Variants in GRID2 observed in about 807,000 individuals in gnomAD.
GRID2 encodes the protein glutamate ionotropic receptor delta type subunit 2.
A neutral mutation model predicts 114.8 loss-of-function variants in GRID2; 33 were observed. That is an observed-to-expected ratio of 0.29 (90% confidence interval 0.22 to 0.38). The LOEUF is 0.38. Ranked by LOEUF, GRID2 falls within the 10% of genes least tolerant of loss-of-function variation. GRID2 has a pLI of 1.00. For missense variants in GRID2, 1,184 were observed against 1,257.7 expected (o/e 0.94, Z 0.89); for synonymous variants, 505 against 449.9 (o/e 1.12, Z -1.55).
intron 14 of GRID2, among the ~76,000 whole-genome samples, chr4:93,740,917 T>A (rs1366047644): frequency 6.6e-6 from 1 of 151,706 alleles, no homozygotes; most frequent in Non-Finnish European, 1.5e-5. Context: ...GTTCATTTTT[T>A]CCTCTTCTGT....
intron 4 of GRID2, among the ~76,000 whole-genome samples, chr4:93,122,723 A>G (rs1241872419): frequency 6.6e-6 from 1 of 152,076 alleles, no homozygotes; most frequent in African/African-American, 2.4e-5. Flanking sequence ...CTGGCTTAAA[A>G]AAAAACAAAT....
intron 13 of GRID2, among the ~76,000 whole-genome samples, chr4:93,521,784 G>C (rs890561680): frequency 1.3e-5 from 2 of 151,936 alleles, no homozygotes; most frequent in Admixed American, 6.6e-5. Context: ...GAGTGACAGA[G>C]AGCCAAGTGA....
intron 10 of GRID2, among the ~76,000 whole-genome samples, chr4:93,437,023 T>C (rs10012463): frequency 0.46 from 70,590 of 151,898 alleles, 17,633 homozygotes; most frequent in East Asian, 0.7. Flanking sequence ...CATAATAAAG[T>C]AGAACATCAC....
intron 2 of GRID2, among the ~76,000 whole-genome samples, chr4:93,048,181 G>T (rs2149277157): frequency 1.3e-5 from 2 of 152,148 alleles, no homozygotes; most frequent in South Asian, 4.2e-4. Flanking sequence ...CAGCTGGCTA[G>T]CAGCTCATGT....
intron 2 of GRID2, among the ~76,000 whole-genome samples, chr4:92,606,141 A>G (rs913847487): frequency 6.9e-4 from 99 of 143,508 alleles, no homozygotes; most frequent in African/African-American, 2.3e-3. Context: ...GAATCCTAAG[A>G]AAGAAACCTC....
intron 2 of GRID2, among the ~76,000 whole-genome samples, chr4:92,777,446 G>C (rs1218831714): frequency 6.6e-6 from 1 of 151,884 alleles, no homozygotes; most frequent in Non-Finnish European, 1.5e-5. Flanking sequence ...TCCATATGTT[G>C]CTAAGGGAAA....
intron 1 of GRID2, among the ~76,000 whole-genome samples, chr4:92,432,010 G>A (rs1257065158): frequency 6.6e-6 from 1 of 152,208 alleles, no homozygotes; most frequent in African/African-American, 2.4e-5. Context: ...ATACCACTTT[G>A]GTGGTCTTGA....
Position 93,594,649 on chromosome 4 carries a change from CA to C in GRID2, c.2194-31619del, listed in dbSNP as rs933749173. Among the ~76,000 whole-genome samples the C allele has an allele frequency of 1.1e-3, 173 of 152,356 alleles. 1 individual carries two copies. The highest frequency in any genetic ancestry group is 4.0e-3 in the African/African-American group (167 of 41,590). Reference sequence around the variant, plus strand: ...TGGGCAATGGCGGGCGCCCCTCCCCCAGCCTCGCTGCCACCTTGCAGCTTGA... The same window carrying C: ...TGGGCAATGGCGGGCGCCCCTCCCCCGCCTCGCTGCCACCTTGCAGCTTGA... On this transcript the variant is annotated intron_variant, in intron 13 of 15. Coordinates refer to ENST00000282020, the MANE Select transcript of GRID2 (RefSeq NM_001510.4).
chr4:93,007,226 A>G (rs1185300264), intron 2 of GRID2, among the ~76,000 whole-genome samples: 1 of 152,040 alleles, frequency 6.6e-6, no homozygotes, highest in Non-Finnish European at 1.5e-5. Context: ...AAAAATTATA[A>G]AGGTTATAAC....
At chr4:92,726,550 G>T (rs980568449) in intron 2 of GRID2, among the ~76,000 whole-genome samples, 1 of 152,048 alleles carries the variant, frequency 6.6e-6, no homozygotes, top group African/African-American at 2.4e-5. Context: ...ACAGAAAGTA[G>T]TGATGAAATA....
At chr4:92,420,341 A>C (rs2110322196) in intron 1 of GRID2, among the ~76,000 whole-genome samples, 1 of 152,300 alleles carries the variant, frequency 6.6e-6, no homozygotes, top group African/African-American at 2.4e-5. Context: ...TGATGCACAT[A>C]GAAACTATTT....
At chr4:93,192,904 T>C (rs1311101185) in intron 4 of GRID2, among the ~76,000 whole-genome samples, 1 of 152,200 alleles carries the variant, frequency 6.6e-6, no homozygotes, top group Non-Finnish European at 1.5e-5. Context: ...GATAATTATT[T>C]GTTCTGTAGT....
At chr4:93,019,665 C>A (rs1166570940) in intron 2 of GRID2, among the ~76,000 whole-genome samples, 1 of 152,132 alleles carries the variant, frequency 6.6e-6, no homozygotes, top group Non-Finnish European at 1.5e-5. Context: ...CTGCTGCTTT[C>A]CTAATGGTCA....
intron 3 of GRID2, among the ~76,000 whole-genome samples, chr4:93,108,568 A>G (rs931658237): frequency 3.3e-5 from 5 of 152,040 alleles, no homozygotes; most frequent in Admixed American, 1.3e-4. Context: ...AGTAACTCAA[A>G]TAAAGAACAA....
At chr4:92,923,979 G>A (rs1023804975) in intron 2 of GRID2, among the ~76,000 whole-genome samples, 3 of 152,150 alleles carry the variant, frequency 2.0e-5, no homozygotes, top group African/African-American at 7.2e-5. Context: ...ATTCACAATA[G>A]CAAAGACTTG....
At chr4:92,967,404 G>A (rs1418845023) in intron 2 of GRID2, among the ~76,000 whole-genome samples, 1 of 151,912 alleles carries the variant, frequency 6.6e-6, no homozygotes, top group Non-Finnish European at 1.5e-5. Context: ...ATTGGGCAAA[G>A]TGTTTTTGTA....
intron 14 of GRID2, among the ~76,000 whole-genome samples, chr4:93,726,416 C>T (rs1419975453): frequency 3.3e-5 from 5 of 152,136 alleles, no homozygotes; most frequent in Admixed American, 1.3e-4. Flanking sequence ...AGTCAGGTAG[C>T]ATGATGCCTC....
intron 2 of GRID2, among the ~76,000 whole-genome samples, chr4:92,666,657 T>G (rs866782854): frequency 3.5e-5 from 5 of 144,570 alleles, no homozygotes; most frequent in East Asian, 4.0e-4. Context: ...GTTGTTTTTT[T>G]TTTTTTTTTT....
intron 2 of GRID2, among the ~76,000 whole-genome samples, chr4:93,076,274 G>A (rs1446694700): frequency 1.3e-5 from 2 of 152,012 alleles, no homozygotes; most frequent in African/African-American, 4.8e-5. Flanking sequence ...ATGGCAGGAA[G>A]ATACAATAGC....
Sources: allele counts gnomAD v4.1 joint callset (sites outside exome capture counted in the v4.1 genomes callset), GRCh38; gene constraint gnomAD v4.1.1; transcripts MANE v1.5; gene names NCBI Gene and HGNC (gene_info 2026-07-23, HGNC 2026-07-21).